The following RGS22 variants were observed in gnomAD, a reference collection of about 807,000 sequenced individuals.
RGS22 encodes regulator of G-protein signaling 22.
Under a neutral mutation model 172.9 loss-of-function variants are expected in RGS22, and 148 were observed. The ratio of observed to expected loss-of-function variants is 0.86; its 90% CI spans 0.75 to 0.98. The LOEUF (loss-of-function observed/expected upper bound fraction) is 0.98. Among genes scored for constraint, RGS22 ranks in the 50% least tolerant of loss-of-function variants. RGS22 has a pLI of 0.00. For missense variants in RGS22, 1,347 were observed against 1,440.8 expected (o/e 0.93, Z 1.05); for synonymous variants, 458 against 480.2 (o/e 0.95, Z 0.60).
intron 14 of RGS22, 151 bp from the exon 15 acceptor site, chr8:100,008,720 C>T (rs992778415): frequency 3.0e-5 from 17 of 565,988 alleles, no homozygotes; most frequent in East Asian, 1.2e-4. Context: ...CTACTTAACA[C>T]GAAGCAATGC....
chr8:100,074,769 TTTTTGTG>T (rs1811224045), intron 4 of RGS22, among the ~76,000 whole-genome samples: 1 of 152,048 alleles, frequency 6.6e-6, no homozygotes, highest in Admixed American at 6.6e-5. Context: ...TGTTTTTTGT[TTTTTGTG>T]GTTTTTTTTG....
chr8:99,999,399 A>C lies in RGS22; in HGVS notation c.2812T>G (p.Trp938Gly). 8 of 1,613,716 alleles carry C rather than the reference A, an allele frequency of 5.0e-6. No individual in the cohort carries two copies. Among genetic ancestry groups the C allele is most frequent in the Non-Finnish European group, 6.8e-6 (8 of 1,179,850 alleles). The change falls in exon 19 of 28, where the codon TGG becomes GGG. Residue 938 changes from tryptophan to glycine, a missense_variant. Physicochemically the swap from Trp to Gly is radical, Grantham distance 184. Transcript: ENST00000360863. The part of the protein sequence containing the change: ...QNQVMHLSGG[W>G]GKILHEQLDA... Reference sequence around the variant, plus strand: ...AGCTGCTCATGAAGAATCTTCCCCCAGCCACCACTTAAATGCATTACCTAA... The same window carrying C: ...AGCTGCTCATGAAGAATCTTCCCCCCGCCACCACTTAAATGCATTACCTAA...
At chr8:100,081,362 GTATA>G (rs71274952) in intron 3 of RGS22, among the ~76,000 whole-genome samples, 21 of 143,488 alleles carry the variant, frequency 1.5e-4, no homozygotes, top group African/African-American at 4.8e-4. Flanking sequence ...GTGCGTGTAT[GTATA>G]TATATATATA....
At position 99,982,008 on chromosome 8, in the gene RGS22, G is replaced by C; in HGVS notation, c.3289C>G (p.Pro1097Ala). The C allele has an allele frequency of 1.2e-6, 2 of 1,613,854 alleles. No individual in the cohort carries two copies. Among genetic ancestry groups the C allele is most frequent in the Non-Finnish European group, 8.5e-7 (1 of 1,179,868 alleles). ...SIPPALQIDI[P>A]VEQAQKIIEH... ...ATAATCTTCTGGGCTTGCTCTACTG[G>C]AATGTCAATTTGTAAAGCTGGTGGA... The change falls in exon 22 of 28, where the codon CCA (proline) becomes GCA (alanine). Residue 1097 changes from proline (P) to alanine (A), a missense_variant. Transcript: ENST00000360863.
chr8:100,057,128 T>C (rs1448812500), intron 9 of RGS22, among the ~76,000 whole-genome samples: 1 of 152,230 alleles, frequency 6.6e-6, no homozygotes, highest in Non-Finnish European at 1.5e-5. Flanking sequence ...AAGATTTGGC[T>C]GTCCTGCTGG....
At chr8:100,010,284 G>A (rs567678679) in intron 14 of RGS22, among the ~76,000 whole-genome samples, 1 of 152,080 alleles carries the variant, frequency 6.6e-6, no homozygotes. Flanking sequence ...TCAAGAGATC[G>A]AGACCATCCT....
At chr8:100,084,339 A>G (rs889459243) in intron 3 of RGS22, among the ~76,000 whole-genome samples, 1 of 152,254 alleles carries the variant, frequency 6.6e-6, no homozygotes, top group African/African-American at 2.4e-5. Flanking sequence ...CTAGTAGGGA[A>G]AAAGGCAGTG....
intron 9 of RGS22, among the ~76,000 whole-genome samples, chr8:100,053,776 C>T (rs1018408784): frequency 1.3e-5 from 2 of 152,078 alleles, no homozygotes; most frequent in African/African-American, 4.8e-5. Flanking sequence ...GCTGGGACTA[C>T]AGGCGTGTGC....
At position 100,052,993 on chromosome 8, in the gene RGS22, TA is replaced by T; in HGVS notation, c.1515-18del. On this transcript the variant is annotated intron_variant, in intron 9 of 27. Transcript: ENST00000360863. Reference sequence around the variant, plus strand: ...CTTGGTGCCCTGTTTATTGGAAAAATAAATGTAAGATTGAACTAAACAACAA... The same window carrying T: ...CTTGGTGCCCTGTTTATTGGAAAAATAATGTAAGATTGAACTAAACAACAA... 11 of 1,609,622 alleles carry T rather than the reference TA, an allele frequency of 6.8e-6. No homozygotes were observed. The highest frequency in any genetic ancestry group is 9.3e-6 in the Non-Finnish European group (11 of 1,176,852).
intron 4 of RGS22, among the ~76,000 whole-genome samples, chr8:100,073,853 A>G (rs992439833): frequency 6.6e-6 from 1 of 152,246 alleles, no homozygotes; most frequent in African/African-American, 2.4e-5. Flanking sequence ...TAAAAATAAA[A>G]TGAATTAAAA....
Position 100,064,022 on chromosome 8 carries a change from C to A in RGS22, c.746G>T (p.Gly249Val). The A allele has an allele frequency of 6.6e-7, 1 of 1,510,686 alleles. No individual in the cohort carries two copies. The highest frequency in any genetic ancestry group is 1.8e-4 in the Middle Eastern group (1 of 5,504). The allele number at this position is 1,510,686 out of a possible 1,614,324, so 93.6% of individuals were successfully genotyped here. The change falls in exon 8 of 28, where the codon GGA (glycine) becomes GTA (valine). Residue 249 changes from glycine (G) to valine (V), a missense_variant. Gly to Val is a moderately radical substitution (Grantham distance 109). Transcript: ENST00000360863. The part of the protein sequence containing the change: ...SVSENFIFDD[G>V]VHPRTKKDPS... ...GTCCTTTTTTGTCCTAGGGTGAACTCCATCATCAAAGATAAAATTCTCTGT... is the reference window on the plus strand; with the variant it reads ...GTCCTTTTTTGTCCTAGGGTGAACTACATCATCAAAGATAAAATTCTCTGT...
rs1813881627 is a variant in RGS22 at position 100,105,706 on chromosome 8, G to C, written c.25+191C>G. ...TATGCAGAATTAAGCGAGATAACGT[G>C]GTGCCAGCATAAACCGGCGAGGACG... On this transcript the variant is annotated intron_variant, in intron 1 of 27. Transcript: ENST00000360863. 7 of 559,590 alleles carry C rather than the reference G, an allele frequency of 1.3e-5. No homozygotes were observed. The South Asian group carries it at 1.6e-4, about 13-fold the overall frequency. 34.7% of individuals were successfully genotyped at this position (559,590 alleles called of 1,614,324 possible).
chr8:100,071,128 CA>C (rs1164004895), intron 6 of RGS22, among the ~76,000 whole-genome samples: 23 of 149,768 alleles, frequency 1.5e-4, no homozygotes, highest in Non-Finnish European at 4.5e-5. Flanking sequence ...ACAAAAAATG[CA>C]AAAAAAAAGT....
chr8:100,056,982 T>C (rs1332124535), intron 9 of RGS22, among the ~76,000 whole-genome samples: 1 of 152,134 alleles, frequency 6.6e-6, no homozygotes, highest in Non-Finnish European at 1.5e-5. Flanking sequence ...TGCCAGCCCA[T>C]GAAGGCAGTC....
Position 100,006,012 on chromosome 8 carries a change from C to G in RGS22, c.2454+5G>C. 1 of 1,610,942 alleles carries G rather than the reference C, an allele frequency of 6.2e-7. No homozygotes were observed. ...TTTGTTTTTCTAAGTAGAAAGTTGCCTTACCTCAGCTTTCTTGGAAAATGT... is the reference window on the plus strand; with the variant it reads ...TTTGTTTTTCTAAGTAGAAAGTTGCGTTACCTCAGCTTTCTTGGAAAATGT... On this transcript the variant is annotated splice_donor_5th_base_variant and intron_variant, in intron 16 of 27. Coordinates refer to ENST00000360863, the MANE Select transcript of RGS22 (RefSeq NM_015668.5).
rs1473418208 is a variant in RGS22, at chr8:100,063,444, C to A, written c.1324G>T (p.Val442Phe). The A allele has an allele frequency of 6.2e-7, 1 of 1,601,904 alleles. No homozygotes were observed. The highest frequency in any genetic ancestry group is 1.1e-5 in the South Asian group (1 of 88,142). The change falls in exon 8 of 28, where the codon GTT (valine) becomes TTT (phenylalanine). Residue 442 changes from valine (V) to phenylalanine (F), a missense_variant. Coordinates refer to ENST00000360863, the MANE Select transcript of RGS22 (RefSeq NM_015668.5). ...TGATGTCTTCCAGGATCCTTAAGAA[C>A]TTTTAACCTCTCAATATCCATCCAT... ...WLWMDIERLK[V>F]LKDPGRHQRH...
At chr8:99,990,593 G>C (rs1398763232) in intron 20 of RGS22, among the ~76,000 whole-genome samples, 1 of 152,170 alleles carries the variant, frequency 6.6e-6, no homozygotes, top group African/African-American at 2.4e-5. Context: ...TCACTGAAAC[G>C]TGGGTCAGAT....
rs1588853438 is a variant in RGS22, at chr8:99,962,568, T to C, written c.3790+119A>G. 2.2e-6 allele frequency: 3 copies of C among 1,392,824 alleles called. No individual in the cohort carries two copies. The East Asian group carries it at 6.9e-5, about 32-fold the overall frequency. The allele number at this position is 1,392,824 out of a possible 1,614,324, so 86.3% of individuals were successfully genotyped here. ...AATTCTCCTAAGTTGGGGGGCAGAA[T>C]AGGGTGGAGGGGTCGGTCCTCACCC... On this transcript the variant is annotated intron_variant, in intron 26 of 27. Transcript: ENST00000360863.
At chr8:100,068,739 T>C (rs148237870) in intron 6 of RGS22, among the ~76,000 whole-genome samples, 2 of 152,006 alleles carry the variant, frequency 1.3e-5, no homozygotes, top group African/African-American at 2.4e-5. Context: ...CAAGACCAGC[T>C]TGGGCAACAT....
Sources: gnomAD v4.1 joint callset for allele counts (sites outside exome capture counted in the v4.1 genomes callset) on GRCh38, gnomAD v4.1.1 for gene constraint, MANE v1.5 for transcripts, NCBI Gene and HGNC (gene_info 2026-07-23, HGNC 2026-07-21) for gene names.